ANKRA2: variants seen among roughly 807,000 people sequenced by gnomAD.
ANKRA2 encodes the protein ankyrin repeat family A member 2, also known as ankyrin repeat family A protein 2.
Under a neutral mutation model 37.8 loss-of-function variants are expected in ANKRA2, and 33 were observed. That is an observed-to-expected ratio of 0.87 (90% CI 0.66 to 1.17). The LOEUF (loss-of-function observed/expected upper bound fraction) is 1.17, where lower values mean the gene tolerates loss of function less well. Among genes scored for constraint, ANKRA2 ranks in the 50% most tolerant of loss-of-function variants. The probability of loss-of-function intolerance (pLI) is 0.00; values close to 1 mark genes in which losing one functional copy is unlikely to be tolerated. For missense variants in ANKRA2, 326 were observed against 373.7 expected, an observed-to-expected ratio of 0.87 and a Z score of 1.05; for synonymous variants, 126 against 132.3, an observed-to-expected ratio of 0.95 and a Z score of 0.33.
intron 7 of ANKRA2, 71 bp downstream of exon 7, chr5:73,554,251 C>A: frequency 8.0e-7 from 1 of 1,242,634 alleles, no homozygotes; most frequent in Non-Finnish European, 1.2e-6. Context: ...CTGAGTAGTA[C>A]CAGGGGAGGC....
At chr5:73,561,594 C>T (rs920145152) in intron 2 of ANKRA2, among the ~76,000 whole-genome samples, 24 of 151,960 alleles carry the variant, frequency 1.6e-4, no homozygotes, top group Non-Finnish European at 3.5e-4. Flanking sequence ...GGTGAAACCC[C>T]ATCTCTACTA....
intron 1 of ANKRA2, 94 bp from the exon 2 acceptor site, chr5:73,563,079 C>A: frequency 2.0e-6 from 1 of 509,188 alleles, no homozygotes; most frequent in Non-Finnish European, 3.4e-6. Flanking sequence ...TAACAATGCT[C>A]TTGAAAGCAC....
chr5:73,555,689 A>G, intron 4 of ANKRA2, 104 bp from the exon 5 acceptor site: 2 of 1,009,588 alleles, frequency 2.0e-6, no homozygotes, highest in South Asian at 2.9e-5. Flanking sequence ...TACTCAGTAA[A>G]GTTCACTTTG....
intron 6 of ANKRA2, among the ~76,000 whole-genome samples, chr5:73,554,593 T>G (rs1422462965): frequency 6.6e-6 from 1 of 152,162 alleles, no homozygotes; most frequent in African/African-American, 2.4e-5. Flanking sequence ...TTATTCTTCT[T>G]TATTTATTCT....
intron 7 of ANKRA2, among the ~76,000 whole-genome samples, chr5:73,553,836 G>A (rs765209676): frequency 1.3e-5 from 2 of 151,596 alleles, no homozygotes; most frequent in African/African-American, 4.8e-5. Flanking sequence ...ATGCAGAGGC[G>A]CAGTCTCGGC....
chr5:73,561,960 A>C (rs2112022360), intron 2 of ANKRA2, among the ~76,000 whole-genome samples: 1 of 152,286 alleles, frequency 6.6e-6, no homozygotes, highest in South Asian at 2.1e-4. Context: ...ATAGAACAGG[A>C]ATATTCAGGA....
At chr5:73,559,578 T>C (rs1747488822) in intron 3 of ANKRA2, among the ~76,000 whole-genome samples, 1 of 152,168 alleles carries the variant, frequency 6.6e-6, no homozygotes, top group Admixed American at 6.5e-5. Flanking sequence ...ATGTGAAGCC[T>C]TGAACTCTAA....
At chr5:73,558,768 A>G (rs1345401998) in intron 3 of ANKRA2, among the ~76,000 whole-genome samples, 1 of 152,118 alleles carries the variant, frequency 6.6e-6, no homozygotes, top group Non-Finnish European at 1.5e-5. Context: ...CCTGAGCTCA[A>G]GTGATCCGCC....
intron 1 of ANKRA2, among the ~76,000 whole-genome samples, chr5:73,563,452 C>T (rs1018918204): frequency 6.6e-6 from 1 of 152,088 alleles, no homozygotes; most frequent in Non-Finnish European, 1.5e-5. Flanking sequence ...ATAGGTGGCC[C>T]TTAGTTTGAA....
intron 7 of ANKRA2, among the ~76,000 whole-genome samples, chr5:73,554,025 C>T (rs951502951): frequency 2.6e-5 from 4 of 152,136 alleles, no homozygotes; most frequent in African/African-American, 9.7e-5. Flanking sequence ...CCACCTCGGC[C>T]TCCCAAAGTG....
Position 73,562,659 on chromosome 5 carries a change from C to T in ANKRA2, c.223G>A (p.Glu75Lys). ...TGATCTTGAATATTTTTACTATCTTCTTCATTTAAGGACTTCACAAATCGA... is the reference window on the plus strand; with the variant it reads ...TGATCTTGAATATTTTTACTATCTTTTTCATTTAAGGACTTCACAAATCGA... ...CSRFVKSLNE[E>K]DSKNIQDQVN... The change falls in exon 2 of 9, where the codon GAA becomes AAA. Residue 75 changes from glutamate (E) to lysine (K), a missense_variant. By Grantham distance (56) the Glu-to-Lys change is moderately conservative. Transcript: ENST00000296785. 6.2e-7 allele frequency: 1 copy of T among 1,614,200 alleles called. No individual in the cohort carries two copies.
intron 5 of ANKRA2, 180 bp from the exon 6 acceptor site, chr5:73,555,166 C>G: frequency 4.2e-6 from 6 of 1,419,296 alleles, no homozygotes; most frequent in Non-Finnish European, 1.8e-6. Flanking sequence ...GCCTTCCTTC[C>G]TCCGTCCTGT....
intron 3 of ANKRA2, among the ~76,000 whole-genome samples, chr5:73,559,815 G>C (rs1747498408): frequency 6.6e-6 from 1 of 152,086 alleles, no homozygotes; most frequent in Non-Finnish European, 1.5e-5. Context: ...CTGGGGTACA[G>C]TGGCATGATC....
At chr5:73,552,915 A>G (rs1008664549) in intron 8 of ANKRA2, 63 bp from the exon 9 acceptor site, 1 of 1,344,422 alleles carries the variant, frequency 7.4e-7, no homozygotes, top group Non-Finnish European at 1.0e-6. Context: ...TAAAACTATC[A>G]AATTTAACTT....
At chr5:73,564,264 T>C (rs1319999554) in intron 1 of ANKRA2, among the ~76,000 whole-genome samples, 2 of 152,190 alleles carry the variant, frequency 1.3e-5, no homozygotes, top group African/African-American at 2.4e-5. Flanking sequence ...GTGAACTGTG[T>C]TTCCTGAGGG....
At chr5:73,555,031 C>G (rs765436428) in intron 5 of ANKRA2, 45 bp from the exon 6 acceptor site, 70 of 1,587,314 alleles carry the variant, frequency 4.4e-5, no homozygotes, top group Non-Finnish European at 5.9e-5. Context: ...TTAGTTTAAA[C>G]AAGAATATTG....
chr5:73,556,072 C>T (rs180744152), intron 4 of ANKRA2, among the ~76,000 whole-genome samples: 55 of 152,352 alleles, frequency 3.6e-4, no homozygotes, highest in African/African-American at 1.3e-3. Flanking sequence ...CTTATTGAAG[C>T]TATCTTCTAC....
chr5:73,560,305 T>C (rs1747512805), intron 3 of ANKRA2, among the ~76,000 whole-genome samples: 1 of 152,220 alleles, frequency 6.6e-6, no homozygotes, highest in Admixed American at 6.5e-5. Context: ...TTTCGTGGTG[T>C]AAACATTTAA....
intron 7 of ANKRA2, 99 bp downstream of exon 7, chr5:73,554,223 C>T (rs1747334818): frequency 2.9e-6 from 3 of 1,045,390 alleles, no homozygotes; most frequent in East Asian, 2.6e-5. Flanking sequence ...ATGTATTTAA[C>T]AATAGTTAAT....
Sources: allele counts gnomAD v4.1 joint callset (sites outside exome capture counted in the v4.1 genomes callset), GRCh38; gene constraint gnomAD v4.1.1; transcripts MANE v1.5; gene names NCBI Gene and HGNC (gene_info 2026-07-23, HGNC 2026-07-21).